EYA4: variants seen among roughly 807,000 people sequenced by gnomAD.
EYA4 encodes the protein protein phosphatase EYA4.
A neutral mutation model predicts 87.9 loss-of-function variants in EYA4; 31 were observed. The observed-to-expected ratio is 0.35, with a 90% CI of 0.27 to 0.48. EYA4 has a LOEUF of 0.48. Among genes scored for constraint, EYA4 ranks in the 20% least tolerant of loss-of-function variants. EYA4 has a pLI of 0.99. For synonymous variants in EYA4, 263 were observed against 270.6 expected (o/e 0.97, Z 0.28); for missense variants, 678 against 761.4 (o/e 0.89, Z 1.29).
chr6:133,243,738 C>T (rs934279251), intron 1 of EYA4, among the ~76,000 whole-genome samples: 7 of 149,188 alleles, frequency 4.7e-5, no homozygotes, highest in East Asian at 3.9e-4. Flanking sequence ...GGGAGAGAAT[C>T]CCCCCAAAAA....
intron 3 of EYA4, among the ~76,000 whole-genome samples, chr6:133,445,577 CTTTTTTT>C (rs1000098998): frequency 2.3e-4 from 33 of 141,658 alleles, no homozygotes; most frequent in African/African-American, 8.2e-4. Context: ...TTTCCTTTTT[CTTTTTTT>C]TTTTTTTCTT....
chr6:133,308,455 A>G (rs2210890), intron 2 of EYA4, among the ~76,000 whole-genome samples: 75,631 of 151,992 alleles, frequency 0.5, 19,059 homozygotes, highest in Middle Eastern at 0.52. Flanking sequence ...ATATTGTTTG[A>G]TGCTTAGGTT....
chr6:133,286,145 G>A (rs1778040542), intron 2 of EYA4, among the ~76,000 whole-genome samples: 1 of 152,194 alleles, frequency 6.6e-6, no homozygotes, highest in Admixed American at 6.5e-5. Flanking sequence ...CTCCTAGGGT[G>A]ATGAAGGAGG....
At chr6:133,504,370 A>G (rs749809438) in intron 13 of EYA4, among the ~76,000 whole-genome samples, 97 of 152,252 alleles carry the variant, frequency 6.4e-4, no homozygotes, top group Non-Finnish European at 2.1e-4. Flanking sequence ...ACATAATACC[A>G]GGAGGCCATC....
intron 2 of EYA4, among the ~76,000 whole-genome samples, chr6:133,289,663 A>G (rs1474281453): frequency 2.6e-5 from 4 of 152,156 alleles, no homozygotes; most frequent in Non-Finnish European, 5.9e-5. Context: ...AGAAGAGCCT[A>G]TGTTCATAAA....
At chr6:133,280,998 T>A (rs2128281154) in intron 2 of EYA4, among the ~76,000 whole-genome samples, 1 of 152,272 alleles carries the variant, frequency 6.6e-6, no homozygotes, top group African/African-American at 2.4e-5. Context: ...TTGCTTTTTA[T>A]ACGTGACATA....
At chr6:133,385,950 T>C (rs1045984565) in intron 3 of EYA4, among the ~76,000 whole-genome samples, 3 of 152,172 alleles carry the variant, frequency 2.0e-5, no homozygotes, top group African/African-American at 7.2e-5. Flanking sequence ...AGGAATAGTA[T>C]TTTTTCCCTG....
chr6:133,345,691 TAATTA>T (rs1194009822), intron 2 of EYA4, among the ~76,000 whole-genome samples: 1 of 152,200 alleles, frequency 6.6e-6, no homozygotes, highest in Non-Finnish European at 1.5e-5. Context: ...AGAGTAATGA[TAATTA>T]AATTGTTAAT....
chr6:133,271,118 C>G (rs1582805708), intron 1 of EYA4, among the ~76,000 whole-genome samples: 1 of 152,136 alleles, frequency 6.6e-6, no homozygotes, highest in African/African-American at 2.4e-5. Flanking sequence ...TCCACTTCCA[C>G]CCTTGATTCG....
chr6:133,330,227 A>T (rs958672516), intron 2 of EYA4, among the ~76,000 whole-genome samples: 1 of 152,084 alleles, frequency 6.6e-6, no homozygotes, highest in Non-Finnish European at 1.5e-5. Flanking sequence ...TACGGAATTC[A>T]TACATTGGGT....
intron 3 of EYA4, among the ~76,000 whole-genome samples, chr6:133,392,747 C>T (rs751386786): frequency 3.3e-5 from 5 of 152,124 alleles, no homozygotes; most frequent in South Asian, 2.1e-4. Context: ...AAGGATCTGG[C>T]CTCTTCTTTC....
intron 2 of EYA4, among the ~76,000 whole-genome samples, chr6:133,350,436 G>A (rs746915451): frequency 6.6e-6 from 1 of 152,114 alleles, no homozygotes; most frequent in Non-Finnish European, 1.5e-5. Flanking sequence ...TGGTTGATGA[G>A]GGTATGTTTG....
intron 18 of EYA4, 56 bp from the exon 19 acceptor site, chr6:133,525,098 G>C (rs775849173): frequency 6.2e-7 from 1 of 1,613,578 alleles, no homozygotes; most frequent in South Asian, 1.1e-5. Context: ...CCGAGATGAG[G>C]AGCATGCCGC....
intron 3 of EYA4, among the ~76,000 whole-genome samples, chr6:133,388,279 C>A (rs2128490754): frequency 6.6e-6 from 1 of 151,692 alleles, no homozygotes; most frequent in African/African-American, 2.4e-5. Flanking sequence ...TAGTGGTGGG[C>A]ACCTGTAATC....
At chr6:133,461,066 G>A (rs1253357558) in intron 6 of EYA4, 48 bp from the exon 7 acceptor site, 2 of 1,230,720 alleles carry the variant, frequency 1.6e-6, no homozygotes, top group South Asian at 1.2e-5. Flanking sequence ...CTAGTGAAAT[G>A]TATTTATGAA....
At position 133,262,879 on chromosome 6, in the gene EYA4, A is replaced by C. The variant is rs552235340; in HGVS notation, c.-65-11837A>C. Among the ~76,000 whole-genome samples the C allele has an allele frequency of 2.0e-5, 3 of 152,184 alleles. 1 individual carries two copies. The highest frequency in any genetic ancestry group is 2.0e-4 in the Admixed American group (3 of 15,282). The stretch of plus-strand genomic sequence containing the variant: ...GAAGTCAGGCAAGGTGCTCATTACT[A>C]TTCATCCAGATCTGTTTCTTGGACA... On this transcript the variant is annotated intron_variant, in intron 1 of 19. Coordinates refer to ENST00000355286, the MANE Select transcript of EYA4 (RefSeq NM_004100.5).
At chr6:133,520,017 C>T (rs1799968175) in intron 17 of EYA4, among the ~76,000 whole-genome samples, 3 of 152,148 alleles carry the variant, frequency 2.0e-5, no homozygotes, top group South Asian at 4.1e-4. Context: ...GACAAACCCA[C>T]AGCCAATATC....
intron 2 of EYA4, among the ~76,000 whole-genome samples, chr6:133,375,822 T>C (rs1337294215): frequency 6.6e-6 from 1 of 151,868 alleles, no homozygotes; most frequent in Non-Finnish European, 1.5e-5. Context: ...CACATAGCCA[T>C]GGACATTTCA....
intron 17 of EYA4, among the ~76,000 whole-genome samples, chr6:133,520,656 A>G: frequency 6.9e-6 from 1 of 144,446 alleles, no homozygotes; most frequent in Admixed American, 7.1e-5. Flanking sequence ...ATATGGAACC[A>G]AAAAAGAGCC....
Sources: gnomAD v4.1 joint callset for allele counts (sites outside exome capture counted in the v4.1 genomes callset) on GRCh38, gnomAD v4.1.1 for gene constraint, MANE v1.5 for transcripts, NCBI Gene and HGNC (gene_info 2026-07-23, HGNC 2026-07-21) for gene names.